Variants in NCOA7 observed in about 807,000 individuals in gnomAD.
The protein encoded by NCOA7 is 140 kDa estrogen receptor-associated protein.
A neutral mutation model predicts 104.3 loss-of-function variants in NCOA7; 45 were observed. That is an observed-to-expected ratio of 0.43 (90% CI 0.34 to 0.55). The LOEUF is 0.55. Ranked by LOEUF, NCOA7 falls within the 20% of genes least tolerant of loss-of-function variation. The probability of loss-of-function intolerance (pLI) is 0.02; values close to 1 mark genes in which losing one functional copy is unlikely to be tolerated. For missense variants in NCOA7, 1,041 were observed against 1,119.7 expected, an observed-to-expected ratio of 0.93 and a Z score of 1.00; for synonymous variants, 398 against 402.3, an observed-to-expected ratio of 0.99 and a Z score of 0.13.
chr6:125,796,934 G>C (rs1775395425), intron 1 of NCOA7: 1 of 152,284 alleles, frequency 6.6e-6, no homozygotes, highest in South Asian at 2.1e-4. Flanking sequence ...AGAACCCATG[G>C]ATATGGAGGG....
At chr6:125,827,867 C>T (rs1035541610) in intron 2 of NCOA7, among the ~76,000 whole-genome samples, 4 of 152,204 alleles carry the variant, frequency 2.6e-5, no homozygotes, top group African/African-American at 9.7e-5. Flanking sequence ...GCAGGGCCTT[C>T]TTGGCCATGT....
intron 8 of NCOA7, among the ~76,000 whole-genome samples, chr6:125,886,629 C>G (rs1363377099): frequency 2.6e-5 from 4 of 152,018 alleles, no homozygotes; most frequent in African/African-American, 9.7e-5. Context: ...TGATTCCTGC[C>G]TTGGATACAG....
intron 1 of NCOA7, among the ~76,000 whole-genome samples, chr6:125,795,952 T>C (rs1464013354): frequency 6.6e-6 from 1 of 152,206 alleles, no homozygotes; most frequent in African/African-American, 2.4e-5. Context: ...TGTGTTTTAG[T>C]AATACAAAAC....
At chr6:125,847,024 G>A (rs920248189) in intron 2 of NCOA7, among the ~76,000 whole-genome samples, 1 of 152,164 alleles carries the variant, frequency 6.6e-6, no homozygotes, top group Non-Finnish European at 1.5e-5. Context: ...CAATATTTGT[G>A]TGTTAGATTA....
chr6:125,828,555 A>G (rs1339654791), intron 2 of NCOA7, among the ~76,000 whole-genome samples: 5 of 152,290 alleles, frequency 3.3e-5, no homozygotes, highest in East Asian at 3.9e-4. Flanking sequence ...GTTTTTGAAG[A>G]TGGAAGAGGA....
intron 2 of NCOA7, among the ~76,000 whole-genome samples, chr6:125,834,352 G>A (rs1182705809): frequency 6.6e-6 from 1 of 151,960 alleles, no homozygotes; most frequent in East Asian, 1.9e-4. Context: ...TTAAAAAAAC[G>A]GAAGATTTTT....
intron 2 of NCOA7, among the ~76,000 whole-genome samples, chr6:125,826,376 A>G (rs2128586454): frequency 6.6e-6 from 1 of 152,234 alleles, no homozygotes; most frequent in Non-Finnish European, 1.5e-5. Flanking sequence ...AATCATTTAA[A>G]ATGAAAAATT....
At chr6:125,814,209 C>A (rs370871893) in intron 1 of NCOA7, among the ~76,000 whole-genome samples, 2 of 152,160 alleles carry the variant, frequency 1.3e-5, no homozygotes, top group East Asian at 3.8e-4. Flanking sequence ...GGCTGGAGTG[C>A]GGTGGTGCCA....
Position 125,889,655 on chromosome 6 carries a change from C to T in NCOA7, c.1601C>T (p.Pro534Leu). 6.2e-7 allele frequency: 1 copy of T among 1,613,948 alleles called. No individual in the cohort carries two copies. The highest frequency in any genetic ancestry group is 8.5e-7 in the Non-Finnish European group (1 of 1,179,972). The change falls in exon 9 of 16, where the codon CCA (proline) becomes CTA (leucine). Residue 534 changes from proline (P) to leucine (L), a missense_variant. By Grantham distance (98) the Pro-to-Leu change is moderately conservative. Around this residue, in one of 2 missense-constraint regions of NCOA7, gnomAD observed 914 missense variants for 942.7 expected, o/e 0.97. Transcript: ENST00000392477. ...EYYLTKNKEG[P>L]QVSENLQKTE... The stretch of plus-strand genomic sequence containing the variant: ...TACCTGACTAAGAACAAAGAAGGGC[C>T]ACAGGTATCTGAAAATTTGCAGAAA...
At chr6:125,816,791 A>C (rs1777633394) in intron 2 of NCOA7, among the ~76,000 whole-genome samples, 1 of 152,216 alleles carries the variant, frequency 6.6e-6, no homozygotes, top group Admixed American at 6.5e-5. Context: ...TATTCAGAGC[A>C]TTCATTGTAT....
At chr6:125,865,671 T>C (rs1782389387) in intron 3 of NCOA7, among the ~76,000 whole-genome samples, 1 of 136,440 alleles carries the variant, frequency 7.3e-6, no homozygotes, top group Non-Finnish European at 1.5e-5. Context: ...TTATTTTATG[T>C]TTTTTAAAGA....
In NCOA7 at chr6:125,894,730, C is replaced by G. The variant is rs537468517; in HGVS notation, c.2096+3920C>G. On this transcript the variant is annotated intron_variant, in intron 10 of 15. Coordinates refer to ENST00000392477, the MANE Select transcript of NCOA7 (RefSeq NM_181782.5). Reference sequence around the variant, plus strand: ...ATTTGGACTGTATTAACCGATTTCCCATTTGCACCAAGAATACTGTGCTGG... The same window carrying G: ...ATTTGGACTGTATTAACCGATTTCCGATTTGCACCAAGAATACTGTGCTGG... Among the ~76,000 whole-genome samples, 4 of 151,200 alleles carry G rather than the reference C, an allele frequency of 2.6e-5. 1 individual carries two copies. Among genetic ancestry groups the G allele is most frequent in the African/African-American group, 9.7e-5 (4 of 41,172 alleles).
chr6:125,881,111 A>G lies in NCOA7; in HGVS notation c.481A>G (p.Asn161Asp). ...PGQVLFVPDA[N>D]SPSSTLRLSS... The stretch of plus-strand genomic sequence containing the variant: ...TCAGGTCCTTTTTGTGCCAGATGCC[A>G]ACTCTCCTTCCAGTACCTTAAGGCT... Residue 161 changes from asparagine to aspartate, a missense_variant, in exon 6 of 16, where the codon AAC (asparagine) becomes GAC (aspartate). Coordinates refer to ENST00000392477, the MANE Select transcript of NCOA7 (RefSeq NM_181782.5). The G allele has an allele frequency of 1.2e-6, 2 of 1,613,906 alleles. No homozygotes were observed. The highest frequency in any genetic ancestry group is 1.7e-6 in the Non-Finnish European group (2 of 1,179,892).
intron 10 of NCOA7, 53 bp from the exon 11 acceptor site, chr6:125,915,280 C>T (rs753702251): frequency 1.2e-5 from 19 of 1,604,038 alleles, no homozygotes; most frequent in African/African-American, 2.7e-5. Flanking sequence ...CACACTAGCA[C>T]CTGCCAAGAA....
At chr6:125,811,266 G>A (rs942113573) in intron 1 of NCOA7, among the ~76,000 whole-genome samples, 1 of 152,142 alleles carries the variant, frequency 6.6e-6, no homozygotes, top group Admixed American at 6.5e-5. Context: ...TATAATTGAC[G>A]TTATCCCCAG....
chr6:125,913,467 G>T (rs769307112), intron 10 of NCOA7, among the ~76,000 whole-genome samples: 2 of 152,130 alleles, frequency 1.3e-5, no homozygotes, highest in Non-Finnish European at 2.9e-5. Flanking sequence ...CAACATCAAG[G>T]CTGCTGTTTG....
intron 2 of NCOA7, among the ~76,000 whole-genome samples, chr6:125,818,144 C>T (rs1185640238): frequency 6.6e-6 from 1 of 151,456 alleles, no homozygotes; most frequent in Non-Finnish European, 1.5e-5. Context: ...TTCTTCTTCA[C>T]TTGCCCTACA....
At chr6:125,914,378 A>G (rs1261525093) in intron 10 of NCOA7, among the ~76,000 whole-genome samples, 4 of 152,348 alleles carry the variant, frequency 2.6e-5, no homozygotes, top group African/African-American at 9.6e-5. Flanking sequence ...AACGATGTAC[A>G]CTTGTGGACA....
chr6:125,849,128 A>G (rs1185819022), intron 2 of NCOA7, among the ~76,000 whole-genome samples: 1 of 152,176 alleles, frequency 6.6e-6, no homozygotes, highest in African/African-American at 2.4e-5. Context: ...CAGTGCCCCA[A>G]ACTCATTTCC....
Sources: allele counts gnomAD v4.1 joint callset (sites outside exome capture counted in the v4.1 genomes callset), GRCh38; gene constraint gnomAD v4.1.1; regional missense constraint gnomAD v4.1.1; transcripts MANE v1.5; gene names NCBI Gene and HGNC (gene_info 2026-07-23, HGNC 2026-07-21).